Variants in TDRD3 observed in about 807,000 individuals in gnomAD.
TDRD3 encodes the protein tudor domain containing 3, also known as tudor domain-containing protein 3.
TDRD3 carries 45 observed loss-of-function variants against 86.7 expected under a neutral mutation model. That is an observed-to-expected ratio of 0.52 (90% confidence interval 0.41 to 0.67). The LOEUF (loss-of-function observed/expected upper bound fraction) is 0.67, where lower values mean the gene tolerates loss of function less well. Among genes scored for constraint, TDRD3 ranks in the 30% least tolerant of loss-of-function variants. TDRD3 has a pLI of 0.00. For missense variants in TDRD3, 814 were observed against 889.0 expected (o/e 0.92, Z 1.07); for synonymous variants, 298 against 301.7 (o/e 0.99, Z 0.13).
intron 1 of TDRD3, among the ~76,000 whole-genome samples, chr13:60,402,714 T>C (rs1023697501): frequency 1.1e-5 from 1 of 90,338 alleles, no homozygotes; most frequent in African/African-American, 4.3e-5. Flanking sequence ...TTTTTTTTTT[T>C]GAGACGGAGT....
intron 12 of TDRD3, among the ~76,000 whole-genome samples, chr13:60,563,672 T>C (rs7993464): frequency 0.28 from 42,615 of 152,154 alleles, 6,162 homozygotes; most frequent in South Asian, 0.34. Flanking sequence ...TTGAGAACTC[T>C]TTCCTTAAAG....
At position 60,485,993 on chromosome 13, in the gene TDRD3, T is replaced by G. The variant is rs773360624; in HGVS notation, c.717+45T>G. 6.5e-6 allele frequency: 10 copies of G among 1,531,270 alleles called. No individual in the cohort carries two copies. In the African/African-American group the frequency reaches 1.3e-4, roughly 19 times the overall value. The allele number at this position is 1,531,270 out of a possible 1,614,324, so 94.9% of individuals were successfully genotyped here. ...CACGTTTTATTTCTTATCATTATGT[T>G]CTATTTAGATTATTTGTGATCGTTA... On this transcript the variant is annotated intron_variant, in intron 7 of 13. Transcript: ENST00000377881.
chr13:60,477,457 C>T (rs1282696824), intron 5 of TDRD3, among the ~76,000 whole-genome samples: 1 of 152,026 alleles, frequency 6.6e-6, no homozygotes, highest in African/African-American at 2.4e-5. Flanking sequence ...TCAAGCAATC[C>T]TCCTTGTTTG....
chr13:60,396,193 A>T (rs1217026446), upstream of TDRD3, among the ~76,000 whole-genome samples: 2 of 152,184 alleles, frequency 1.3e-5, no homozygotes, highest in Admixed American at 1.3e-4. Context: ...AGCGGCGGAG[A>T]TAGGGATTAA....
At chr13:60,397,834 A>G (rs1408689129) in intron 1 of TDRD3, among the ~76,000 whole-genome samples, 1 of 151,920 alleles carries the variant, frequency 6.6e-6, no homozygotes, top group Non-Finnish European at 1.5e-5. Flanking sequence ...GCGGAGAGGG[A>G]CGAACGCGGC....
chr13:60,559,744 AATG>A (rs1958288542), intron 12 of TDRD3, among the ~76,000 whole-genome samples: 1 of 152,260 alleles, frequency 6.6e-6, no homozygotes, highest in East Asian at 1.9e-4. Context: ...GGGTGAGGGA[AATG>A]AGGAGATGTT....
chr13:60,455,952 C>T (rs2138031990), intron 3 of TDRD3, among the ~76,000 whole-genome samples: 1 of 151,736 alleles, frequency 6.6e-6, no homozygotes, highest in African/African-American at 2.4e-5. Context: ...CACCTGTAAT[C>T]CCAGCTACTA....
At chr13:60,469,939 T>A (rs775546879) in intron 5 of TDRD3, among the ~76,000 whole-genome samples, 54 of 152,204 alleles carry the variant, frequency 3.5e-4, no homozygotes, top group Non-Finnish European at 2.6e-4. Context: ...TTCAGTGGCA[T>A]TAAGAACATT....
At chr13:60,459,802 G>A (rs1955767232) in intron 3 of TDRD3, among the ~76,000 whole-genome samples, 1 of 152,104 alleles carries the variant, frequency 6.6e-6, no homozygotes, top group Non-Finnish European at 1.5e-5. Flanking sequence ...TGTATTTTTA[G>A]TAGAGACGGG....
intron 10 of TDRD3, among the ~76,000 whole-genome samples, chr13:60,520,959 A>G (rs1957274274): frequency 6.6e-6 from 1 of 152,238 alleles, no homozygotes; most frequent in Non-Finnish European, 1.5e-5. Flanking sequence ...AAGAATCATT[A>G]CTGATATTTT....
intron 7 of TDRD3, among the ~76,000 whole-genome samples, chr13:60,487,287 A>G (rs1956462051): frequency 6.6e-6 from 1 of 152,058 alleles, no homozygotes; most frequent in Non-Finnish European, 1.5e-5. Flanking sequence ...CCTGAGCCTG[A>G]CCAACCTAGC....
At chr13:60,448,584 G>C (rs920004403) in intron 3 of TDRD3, among the ~76,000 whole-genome samples, 1 of 152,046 alleles carries the variant, frequency 6.6e-6, no homozygotes, top group Non-Finnish European at 1.5e-5. Flanking sequence ...CAGGCTTCCA[G>C]ATTTTCTTAT....
chr13:60,517,116 A>C (rs1291297423), intron 10 of TDRD3, among the ~76,000 whole-genome samples: 1 of 152,044 alleles, frequency 6.6e-6, no homozygotes, highest in Non-Finnish European at 1.5e-5. Context: ...TTAATGGTTG[A>C]TGGGCACTTC....
chr13:60,547,213 G>T (rs1443237063), intron 12 of TDRD3: 9 of 983,880 alleles, frequency 9.1e-6, no homozygotes, highest in African/African-American at 1.7e-5. Flanking sequence ...TCATGACATT[G>T]TTCACCACTT....
chr13:60,456,672 G>A (rs930026747), intron 3 of TDRD3, among the ~76,000 whole-genome samples: 5 of 152,016 alleles, frequency 3.3e-5, no homozygotes, highest in African/African-American at 1.2e-4. Context: ...ATTAATTCTT[G>A]TCTATTTTTG....
chr13:60,474,199 T>C (rs1366868167), intron 5 of TDRD3, among the ~76,000 whole-genome samples: 8 of 152,206 alleles, frequency 5.3e-5, no homozygotes, highest in Non-Finnish European at 8.8e-5. Flanking sequence ...TCTCTCCGCC[T>C]TGGCTGCCAA....
At chr13:60,396,283 G>A (rs1442101056), upstream of TDRD3, among the ~76,000 whole-genome samples, 1 of 152,200 alleles carries the variant, frequency 6.6e-6, no homozygotes, top group Non-Finnish European at 1.5e-5. Context: ...AATACGGGAC[G>A]CCGCAGAGGT....
chr13:60,458,594 G>A (rs1420796580), intron 3 of TDRD3, among the ~76,000 whole-genome samples: 4 of 152,086 alleles, frequency 2.6e-5, no homozygotes, highest in Admixed American at 6.5e-5. Flanking sequence ...ATGGAAGTGC[G>A]GTGCCTAGGA....
intron 2 of TDRD3, among the ~76,000 whole-genome samples, chr13:60,441,615 G>A (rs1955275832): frequency 1.3e-5 from 2 of 151,964 alleles, no homozygotes; most frequent in Non-Finnish European, 2.9e-5. Flanking sequence ...CAACTTTTGA[G>A]TGATTGTGGG....
Sources: gnomAD v4.1 joint callset for allele counts (sites outside exome capture counted in the v4.1 genomes callset) on GRCh38, gnomAD v4.1.1 for gene constraint, MANE v1.5 for transcripts, NCBI Gene and HGNC (gene_info 2026-07-23, HGNC 2026-07-21) for gene names.